Variants in LEPR observed in about 807,000 individuals in gnomAD.
LEPR encodes the protein leptin receptor, also known as OB receptor.
LEPR carries 56 observed loss-of-function variants against 114.7 expected under a neutral mutation model. That is an observed-to-expected ratio of 0.49 (90% CI 0.39 to 0.61). The LOEUF is 0.61. LEPR is among the 20% of genes least tolerant of loss of function. The pLI is 0.00. For synonymous variants in LEPR, 443 were observed against 461.4 expected (o/e 0.96, Z 0.51); for missense variants, 1,202 against 1,352.9 (o/e 0.89, Z 1.75).
chr1:65,486,089 G>GGAATT (rs1647471344), intron 2 of LEPR, among the ~76,000 whole-genome samples: 1 of 152,058 alleles, frequency 6.6e-6, no homozygotes, highest in South Asian at 2.1e-4. Flanking sequence ...CAATCTTCTG[G>GGAATT]GAATTTTAAC....
rs911816350 is a variant in LEPR at position 65,638,577 on chromosome 1, T to G, written c.*1562T>G. Reference sequence around the variant, plus strand: ...ATTTTACTGTTATCCTAAATAAATCTCTACATTCCATCTCTAGTCCAGTTG... The same window carrying G: ...ATTTTACTGTTATCCTAAATAAATCGCTACATTCCATCTCTAGTCCAGTTG... On this transcript the variant is annotated 3_prime_UTR_variant, in exon 20 of 20. Coordinates refer to ENST00000349533, the MANE Select transcript of LEPR (RefSeq NM_002303.6). The G allele has an allele frequency of 6.6e-6, 1 of 152,190 alleles. No individual in the cohort carries two copies. The highest frequency in any genetic ancestry group is 1.5e-5 in the Non-Finnish European group (1 of 68,030). 9.4% of individuals were successfully genotyped at this position (152,190 alleles called of 1,614,324 possible). A position where few individuals can be genotyped will look rare whatever the true frequency, so the allele number is the denominator to read the frequency against.
At position 65,498,076 on chromosome 1, in the gene LEPR, T is replaced by C. The variant is rs12060439; in HGVS notation, c.-20-67470T>C. ...AATACTCCATATGGTGTATGAATAT[T>C]GTAGGATAGTGGTATAATTAATTTC... On this transcript the variant is annotated intron_variant, in intron 2 of 19. Transcript: ENST00000349533. Among the ~76,000 whole-genome samples, 1,371 of 152,264 alleles carry C rather than the reference T, an allele frequency of 9.0e-3. 22 individuals are homozygous for C. The highest frequency in any genetic ancestry group is 0.032 in the African/African-American group (1,321 of 41,540).
chr1:65,583,253 G>A (rs547015153), intron 5 of LEPR, among the ~76,000 whole-genome samples: 1 of 152,268 alleles, frequency 6.6e-6, no homozygotes, highest in South Asian at 2.1e-4. Flanking sequence ...AGTTCATGGG[G>A]CAGAGTACTT....
intron 2 of LEPR, among the ~76,000 whole-genome samples, chr1:65,505,076 T>A (rs1648654839): frequency 6.6e-6 from 1 of 152,194 alleles, no homozygotes; most frequent in Non-Finnish European, 1.5e-5. Context: ...GTAGCTGTTA[T>A]ATTTTGGTAC....
At chr1:65,583,901 A>G (rs917545177) in intron 5 of LEPR, among the ~76,000 whole-genome samples, 2 of 152,186 alleles carry the variant, frequency 1.3e-5, no homozygotes, top group African/African-American at 2.4e-5. Flanking sequence ...CAGGAAATTG[A>G]AGATGTAAAA....
intron 4 of LEPR, among the ~76,000 whole-genome samples, chr1:65,571,971 C>CAAAAAAAA (rs72311704): frequency 9.9e-5 from 6 of 60,634 alleles, no homozygotes; most frequent in Admixed American, 2.3e-4. Flanking sequence ...CACCCCATCT[C>CAAAAAAAA]AAAAAAAAAA....
intron 2 of LEPR, among the ~76,000 whole-genome samples, chr1:65,425,646 AGAG>A (rs60086513): frequency 0.48 from 72,713 of 151,704 alleles, 18,054 homozygotes; most frequent in African/African-American, 0.59. Flanking sequence ...CTGTCCTCAA[AGAG>A]GAGGTAAAGT....
chr1:65,622,861 A>G (rs978550924), intron 18 of LEPR, 45 bp from the exon 19 acceptor site: 1 of 1,600,168 alleles, frequency 6.2e-7, no homozygotes, highest in African/African-American at 1.3e-5. Flanking sequence ...CATTTTCAAT[A>G]TGGATGTTTT....
At chr1:65,542,779 C>A (rs1651332629) in intron 2 of LEPR, among the ~76,000 whole-genome samples, 1 of 151,940 alleles carries the variant, frequency 6.6e-6, no homozygotes, top group Non-Finnish European at 1.5e-5. Flanking sequence ...CATGTCCCTG[C>A]AAAGGATATG....
At chr1:65,558,505 T>TTG (rs1553165169) in intron 2 of LEPR, among the ~76,000 whole-genome samples, 1 of 113,770 alleles carries the variant, frequency 8.8e-6, no homozygotes, top group African/African-American at 3.5e-5. Context: ...CTTAATGTTT[T>TTG]TTTTTTTTTT....
chr1:65,425,259 A>G (rs766620727), intron 1 of LEPR, 44 bp from the exon 2 acceptor site: 27 of 1,562,152 alleles, frequency 1.7e-5, no homozygotes, highest in South Asian at 9.0e-5. Flanking sequence ...GTGCCTGACA[A>G]CCTCTACTGT....
intron 1 of LEPR, chr1:65,421,454 A>G (rs774881927): frequency 1.3e-6 from 2 of 1,536,072 alleles, no homozygotes; most frequent in South Asian, 1.2e-5. Context: ...GGCTTCCTGT[A>G]TTTTGGTAGG....
chr1:65,490,967 G>A (rs1320569935), intron 2 of LEPR, among the ~76,000 whole-genome samples: 1 of 152,148 alleles, frequency 6.6e-6, no homozygotes, highest in East Asian at 1.9e-4. Flanking sequence ...AACCCTCACA[G>A]GGGATGCTGA....
At chr1:65,586,545 A>G (rs4370791) in intron 5 of LEPR, among the ~76,000 whole-genome samples, 47,070 of 151,720 alleles carry the variant, frequency 0.31, 8,121 homozygotes, top group East Asian at 0.83. Context: ...AATTATAGTT[A>G]GTATGTAAAT....
chr1:65,433,443 A>G (rs1646516059), intron 2 of LEPR: 2 of 985,440 alleles, frequency 2.0e-6, no homozygotes, highest in Non-Finnish European at 2.4e-6. Flanking sequence ...AAAGGGAAAT[A>G]TGGGAAGGAG....
At chr1:65,616,590 TA>T (rs1657537193) in intron 15 of LEPR, among the ~76,000 whole-genome samples, 1 of 151,940 alleles carries the variant, frequency 6.6e-6, no homozygotes, top group Non-Finnish European at 1.5e-5. Context: ...TATAAATATG[TA>T]AAAATAAGTA....
intron 19 of LEPR, chr1:65,629,349 TTC>T: frequency 2.2e-6 from 1 of 450,124 alleles, no homozygotes; most frequent in Non-Finnish European, 4.5e-6. Context: ...TGATATGATG[TTC>T]TGTGTTGTAA....
chr1:65,614,220 G>C (rs1450946240), intron 14 of LEPR, among the ~76,000 whole-genome samples: 1 of 152,108 alleles, frequency 6.6e-6, no homozygotes. Context: ...AAAATGAAAC[G>C]ATTCTGTATA....
intron 2 of LEPR, among the ~76,000 whole-genome samples, chr1:65,557,516 T>C (rs1184986391): frequency 6.6e-6 from 1 of 152,086 alleles, no homozygotes; most frequent in Non-Finnish European, 1.5e-5. Flanking sequence ...ACCTCCCGGG[T>C]TCAAGTGATT....
Sources: allele counts gnomAD v4.1 joint callset (sites outside exome capture counted in the v4.1 genomes callset), GRCh38; gene constraint gnomAD v4.1.1; transcripts MANE v1.5; gene names NCBI Gene and HGNC (gene_info 2026-07-23, HGNC 2026-07-21).